ANKS1B: variants seen among roughly 807,000 people sequenced by gnomAD.
ANKS1B encodes ankyrin repeat and sterile alpha motif domain containing 1B.
A neutral mutation model predicts 148.3 loss-of-function variants in ANKS1B; 36 were observed. The ratio of observed to expected loss-of-function variants is 0.24; its 90% CI spans 0.19 to 0.32. The LOEUF is 0.32. Among genes scored for constraint, ANKS1B ranks in the 10% least tolerant of loss-of-function variants. The pLI is 1.00. For missense variants in ANKS1B, 1,157 were observed against 1,542.6 expected (o/e 0.75, Z 4.19); for synonymous variants, 542 against 560.8 (o/e 0.97, Z 0.47).
chr12:99,114,747 G>C (rs1429493401), intron 15 of ANKS1B, among the ~76,000 whole-genome samples: 1 of 150,628 alleles, frequency 6.6e-6, no homozygotes, highest in Non-Finnish European at 1.5e-5. Context: ...GCGAGACTCT[G>C]TCTCAAAAAA....
chr12:98,903,862 G>A (rs1017578160), intron 17 of ANKS1B, among the ~76,000 whole-genome samples: 4 of 152,264 alleles, frequency 2.6e-5, no homozygotes, highest in Non-Finnish European at 4.4e-5. Context: ...GTGATAGGGA[G>A]CTCATTACCA....
chr12:98,953,710 T>C (rs374067889), intron 17 of ANKS1B, among the ~76,000 whole-genome samples: 3 of 152,192 alleles, frequency 2.0e-5, no homozygotes, highest in Non-Finnish European at 4.4e-5. Context: ...ATGAAATCCA[T>C]AGTCTTCAAC....
intron 12 of ANKS1B, among the ~76,000 whole-genome samples, chr12:99,269,619 C>T (rs943418175): frequency 3.9e-5 from 6 of 152,064 alleles, no homozygotes; most frequent in Admixed American, 6.6e-5. Context: ...AGTGCAGTAG[C>T]GCAATCTCGG....
intron 17 of ANKS1B, among the ~76,000 whole-genome samples, chr12:98,999,539 G>C (rs192245735): frequency 6.6e-6 from 1 of 152,202 alleles, no homozygotes; most frequent in Admixed American, 6.5e-5. Context: ...TTTGCAAAAG[G>C]TTATAAAATA....
At chr12:99,504,303 A>G (rs1463270849) in intron 10 of ANKS1B, among the ~76,000 whole-genome samples, 173 bp downstream of exon 10, 9 of 152,200 alleles carry the variant, frequency 5.9e-5, no homozygotes, top group Non-Finnish European at 1.2e-4. Context: ...ACTTCAAATA[A>G]AAAACCTTCT....
intron 24 of ANKS1B, among the ~76,000 whole-genome samples, chr12:98,778,011 C>T (rs1232436940): frequency 6.6e-6 from 1 of 152,202 alleles, no homozygotes; most frequent in Non-Finnish European, 1.5e-5. Context: ...AGTCGTTCTT[C>T]ACGACCAACA....
At chr12:99,055,545 G>A (rs2099969059) in intron 16 of ANKS1B, among the ~76,000 whole-genome samples, 1 of 152,196 alleles carries the variant, frequency 6.6e-6, no homozygotes, top group Non-Finnish European at 1.5e-5. Flanking sequence ...ACACACAGAG[G>A]GTGTTGATGG....
Position 99,279,504 on chromosome 12 carries a change from G to A in ANKS1B, c.1757-32640C>T, listed in dbSNP as rs180888991. Among the ~76,000 whole-genome samples the A allele has an allele frequency of 2.8e-4, 43 of 152,092 alleles. No homozygotes were observed. The East Asian group carries it at 7.5e-3, about 27-fold the overall frequency. ...CCAGCCCTAGGCAACCACTAATCCA[G>A]TTTCTCTCTCTATAGATTTGCCTAT... On this transcript the variant is annotated intron_variant, in intron 12 of 26. Coordinates refer to ENST00000683438, the MANE Select transcript of ANKS1B (RefSeq NM_001352186.2).
At chr12:99,868,166 A>G (rs1213414740) in intron 1 of ANKS1B, among the ~76,000 whole-genome samples, 2 of 152,196 alleles carry the variant, frequency 1.3e-5, no homozygotes, top group Middle Eastern at 3.2e-3. Context: ...AGCAAATCCA[A>G]AGAATTCAAA....
chr12:99,109,726 TGGCATTTAAATCTAGCATTTG>T (rs2059918989), intron 15 of ANKS1B, among the ~76,000 whole-genome samples: 1 of 152,186 alleles, frequency 6.6e-6, no homozygotes, highest in African/African-American at 2.4e-5. Context: ...ATTCTAGAGC[TGGCATTTAAATCTAGCATTTG>T]TCTTTATGCA....
At chr12:98,958,462 C>T (rs1212272649) in intron 17 of ANKS1B, among the ~76,000 whole-genome samples, 1 of 152,178 alleles carries the variant, frequency 6.6e-6, no homozygotes, top group Non-Finnish European at 1.5e-5. Context: ...AGGACTACTT[C>T]CATGTCACTC....
intron 10 of ANKS1B, among the ~76,000 whole-genome samples, chr12:99,498,803 CA>C (rs2096628612): frequency 6.6e-6 from 1 of 152,076 alleles, no homozygotes; most frequent in African/African-American, 2.4e-5. Context: ...TCCACGTTTG[CA>C]AATTCTACCT....
rs1007963494 is a variant in ANKS1B, at chr12:99,586,842, A to G, written c.1272+68225T>C. Among the ~76,000 whole-genome samples, 14 of 152,144 alleles carry G rather than the reference A, an allele frequency of 9.2e-5. 1 individual carries two copies. Among genetic ancestry groups the G allele is most frequent in the African/African-American group, 3.4e-4 (14 of 41,412 alleles). ...TTATAAAACCATCAGATCTCCTGAG[A>G]CTTATTAACTATCATGAGAACTGCT... On this transcript the variant is annotated intron_variant, in intron 9 of 26. Coordinates refer to ENST00000683438, the MANE Select transcript of ANKS1B (RefSeq NM_001352186.2).
intron 4 of ANKS1B, among the ~76,000 whole-genome samples, chr12:99,789,582 T>C (rs1218022057): frequency 2.0e-5 from 3 of 152,146 alleles, no homozygotes; most frequent in Non-Finnish European, 4.4e-5. Context: ...AATTCAGAAT[T>C]CTATCAGATA....
chr12:99,826,776 A>G (rs1026723604), intron 1 of ANKS1B, among the ~76,000 whole-genome samples: 1 of 152,116 alleles, frequency 6.6e-6, no homozygotes, highest in African/African-American at 2.4e-5. Flanking sequence ...ATATGAAACC[A>G]TAAAAGACCC....
intron 11 of ANKS1B, among the ~76,000 whole-genome samples, chr12:99,439,141 C>A (rs1048580208): frequency 2.0e-5 from 3 of 151,486 alleles, no homozygotes; most frequent in Admixed American, 6.6e-5. Context: ...AAAATTAAAT[C>A]TTGACCCCCA....
At chr12:99,946,714 G>C (rs1286863722) in intron 1 of ANKS1B, among the ~76,000 whole-genome samples, 2 of 152,148 alleles carry the variant, frequency 1.3e-5, no homozygotes, top group Non-Finnish European at 2.9e-5. Flanking sequence ...GGAATTGACA[G>C]TATATGCCAG....
At position 98,812,828 on chromosome 12, in the gene ANKS1B, T is replaced by C. The variant is rs574031442; in HGVS notation, c.3067-4910A>G. ...CTGGCCTCAAGTGATCCACCCACCT[T>C]AGCCTCCCAAAATGCTGGGATGAAA... is the stretch of plus-strand genomic sequence containing the variant. On this transcript the variant is annotated intron_variant, in intron 19 of 26. Transcript: ENST00000683438. Among the ~76,000 whole-genome samples the C allele has an allele frequency of 2.5e-4, 38 of 152,284 alleles. No homozygotes were observed. In the South Asian group the frequency reaches 4.3e-3, roughly 17 times the overall value.
intron 1 of ANKS1B, among the ~76,000 whole-genome samples, chr12:99,875,639 C>G (rs562548771): frequency 5.7e-4 from 87 of 152,302 alleles, no homozygotes; most frequent in Non-Finnish European, 9.7e-4. Flanking sequence ...ATAGCTGACA[C>G]AGACTATATG....
Sources: allele counts gnomAD v4.1 joint callset (sites outside exome capture counted in the v4.1 genomes callset), GRCh38; gene constraint gnomAD v4.1.1; transcripts MANE v1.5; gene names NCBI Gene and HGNC (gene_info 2026-07-23, HGNC 2026-07-21).